Variants in SLC22A15 observed in about 807,000 individuals in gnomAD.
SLC22A15 encodes the protein flipt 1.
In SLC22A15, 45 loss-of-function variants were observed where a neutral mutation model predicts 62.7. The observed-to-expected ratio is 0.72, with a 90% CI of 0.56 to 0.92. The LOEUF is 0.92. SLC22A15 is among the 40% of genes least tolerant of loss of function. The pLI, the probability that SLC22A15 is intolerant of heterozygous loss-of-function variation, is 0.00. For synonymous variants in SLC22A15, 264 were observed against 267.0 expected (o/e 0.99, Z 0.11); for missense variants, 622 against 665.6 (o/e 0.93, Z 0.72).
intron 8 of SLC22A15, among the ~76,000 whole-genome samples, chr1:116,056,065 G>T (rs1367857020): frequency 7.4e-6 from 1 of 135,704 alleles, no homozygotes; most frequent in African/African-American, 2.8e-5. Context: ...GGGCAATTAT[G>T]CAGGAGAAGG....
chr1:115,981,542 C>T (rs572394703), intron 1 of SLC22A15, among the ~76,000 whole-genome samples: 1 of 152,322 alleles, frequency 6.6e-6, no homozygotes, highest in South Asian at 2.1e-4. Flanking sequence ...ACACTGGCCC[C>T]CACACCCTCA....
intron 1 of SLC22A15, among the ~76,000 whole-genome samples, chr1:115,989,721 C>G (rs1197707273): frequency 1.3e-5 from 2 of 150,508 alleles, no homozygotes; most frequent in Non-Finnish European, 2.9e-5. Context: ...GCAGAGGTTG[C>G]AGTGAGCCAA....
At chr1:116,006,033 C>T (rs1260440363) in intron 2 of SLC22A15, among the ~76,000 whole-genome samples, 1 of 152,168 alleles carries the variant, frequency 6.6e-6, no homozygotes, top group African/African-American at 2.4e-5. Context: ...GGACAGCTGA[C>T]CACCACTGGA....
rs1345254195 is a variant in SLC22A15, at chr1:116,068,776, G to A, written c.*1668G>A. 1 of 151,984 alleles carries A rather than the reference G, an allele frequency of 6.6e-6. No individual in the cohort carries two copies. Among genetic ancestry groups the A allele is most frequent in the Non-Finnish European group, 1.5e-5 (1 of 68,020 alleles). 9.4% of individuals were successfully genotyped at this position (151,984 alleles called of 1,614,324 possible). A position where few individuals can be genotyped will look rare whatever the true frequency, so the allele number is the denominator to read the frequency against. On this transcript the variant is annotated 3_prime_UTR_variant, in exon 12 of 12. Coordinates refer to ENST00000369503, the MANE Select transcript of SLC22A15 (RefSeq NM_018420.3). Reference sequence around the variant, plus strand: ...TGTCAAGTCCTGCTTAACTTTCTCTGGAAAATAGACCCCTTCTCAACATCA... The same window carrying A: ...TGTCAAGTCCTGCTTAACTTTCTCTAGAAAATAGACCCCTTCTCAACATCA...
In SLC22A15 at chr1:116,069,413, G is replaced by A. The variant is rs1371409298; in HGVS notation, c.*2305G>A. ...TTATTGGAAAACTTTTCATTGACAG[G>A]TAATGTATTTTGGTTGTGCGGATGG... On this transcript the variant is annotated 3_prime_UTR_variant, in exon 12 of 12. Transcript: ENST00000369503. 1 of 151,998 alleles carries A rather than the reference G, an allele frequency of 6.6e-6. No individual in the cohort carries two copies. The highest frequency in any genetic ancestry group is 2.4e-5 in the African/African-American group (1 of 41,384). The allele number at this position is 151,998 out of a possible 1,614,324, so 9.4% of individuals were successfully genotyped here.
rs972636665 is a variant in SLC22A15 at position 116,022,556 on chromosome 1, A to T, written c.598+1671A>T. Among the ~76,000 whole-genome samples the T allele has an allele frequency of 5.9e-5, 9 of 152,316 alleles. No individual in the cohort carries two copies. In the East Asian group the frequency reaches 1.7e-3, roughly 29 times the overall value. On this transcript the variant is annotated intron_variant, in intron 4 of 11. Transcript: ENST00000369503. ...GAAGATGCTGTTTTATAAAAAACGTATACCACTCCCACCCTGCCAGATTAT... is the reference window on the plus strand; with the variant it reads ...GAAGATGCTGTTTTATAAAAAACGTTTACCACTCCCACCCTGCCAGATTAT...
At chr1:116,063,603 T>C (rs893495794) in intron 9 of SLC22A15, among the ~76,000 whole-genome samples, 21 of 152,236 alleles carry the variant, frequency 1.4e-4, no homozygotes, top group African/African-American at 4.8e-4. Flanking sequence ...TCTTTCTGCC[T>C]GTTAATTTAA....
chr1:116,049,811 C>A (rs576735309), intron 8 of SLC22A15, among the ~76,000 whole-genome samples: 9 of 152,112 alleles, frequency 5.9e-5, no homozygotes, highest in Non-Finnish European at 7.4e-5. Flanking sequence ...AAACAAAAAG[C>A]CAGTTCTTTG....
At chr1:116,005,194 GA>G (rs1655917894) in intron 2 of SLC22A15, among the ~76,000 whole-genome samples, 1 of 152,056 alleles carries the variant, frequency 6.6e-6, no homozygotes, top group African/African-American at 2.4e-5. Flanking sequence ...TTCTTTAGTG[GA>G]AGGAATAAGG....
At chr1:116,054,559 A>C (rs1658151196) in intron 8 of SLC22A15, among the ~76,000 whole-genome samples, 1 of 152,210 alleles carries the variant, frequency 6.6e-6, no homozygotes, top group African/African-American at 2.4e-5. Context: ...AGCTGACCTA[A>C]TAGACATCTA....
rs1019088544 is a variant in SLC22A15 at position 116,003,125 on chromosome 1, G to C, written c.300+10882G>C. On this transcript the variant is annotated intron_variant, in intron 2 of 11. Coordinates refer to ENST00000369503, the MANE Select transcript of SLC22A15 (RefSeq NM_018420.3). Reference sequence around the variant, plus strand: ...GGCAGCAGGTTCCCTTCTGGCCCAGGGTTGGTCTAGAAATGTCATCCAGGA... The same window carrying C: ...GGCAGCAGGTTCCCTTCTGGCCCAGCGTTGGTCTAGAAATGTCATCCAGGA... 7.9e-5 allele frequency among the ~76,000 whole-genome samples: 12 copies of C among 152,054 alleles called. No homozygotes were observed. The East Asian group carries it at 2.3e-3, about 30-fold the overall frequency.
intron 8 of SLC22A15, among the ~76,000 whole-genome samples, chr1:116,043,588 GAA>G (rs1489374275): frequency 2.0e-5 from 3 of 151,924 alleles, no homozygotes; most frequent in African/African-American, 4.8e-5. Flanking sequence ...TTTTAAAAAA[GAA>G]GAGCTAATTA....
chr1:116,016,314 C>T (rs1656524208), intron 2 of SLC22A15, among the ~76,000 whole-genome samples: 1 of 152,078 alleles, frequency 6.6e-6, no homozygotes, highest in African/African-American at 2.4e-5. Flanking sequence ...GTAGCCCCAA[C>T]CTCCCAGGCT....
intron 7 of SLC22A15, 67 bp downstream of exon 7, chr1:116,035,394 T>C: frequency 2.2e-6 from 3 of 1,347,394 alleles, no homozygotes; most frequent in Non-Finnish European, 3.1e-6. Context: ...TGCCCTCTGA[T>C]ACACATGCAT....
intron 1 of SLC22A15, 108 bp downstream of exon 1, chr1:115,976,822 G>C (rs907069711): frequency 8.2e-6 from 7 of 850,566 alleles, no homozygotes; most frequent in Non-Finnish European, 1.3e-5. Flanking sequence ...CCGAGGCTCT[G>C]CAAACACCGA....
At chr1:116,013,689 T>G (rs191642096) in intron 2 of SLC22A15, 1 of 152,346 alleles carries the variant, frequency 6.6e-6, no homozygotes, top group East Asian at 1.9e-4. Context: ...GGAAAATGAT[T>G]TATTTGATTT....
chr1:116,006,346 C>T (rs978284274), intron 2 of SLC22A15, among the ~76,000 whole-genome samples: 2 of 151,956 alleles, frequency 1.3e-5, no homozygotes, highest in African/African-American at 4.8e-5. Flanking sequence ...AAACAGTGCC[C>T]GACTGAAGGT....
intron 2 of SLC22A15, among the ~76,000 whole-genome samples, chr1:115,992,747 G>T (rs769585845): frequency 2.0e-5 from 3 of 150,404 alleles, no homozygotes; most frequent in African/African-American, 7.3e-5. Flanking sequence ...TCAGCCTCCC[G>T]AGTAGCTGAG....
intron 6 of SLC22A15, chr1:116,031,918 G>A: frequency 9.1e-7 from 1 of 1,093,726 alleles, no homozygotes; most frequent in Non-Finnish European, 1.1e-6. Context: ...AAATAAGCAT[G>A]GTAGAAATAG....
Sources: gnomAD v4.1 joint callset for allele counts (sites outside exome capture counted in the v4.1 genomes callset) on GRCh38, gnomAD v4.1.1 for gene constraint, MANE v1.5 for transcripts, NCBI Gene and HGNC (gene_info 2026-07-23, HGNC 2026-07-21) for gene names.